The following DLC1 variants were observed in gnomAD, a reference collection of about 807,000 sequenced individuals.
DLC1 encodes the protein rho GTPase-activating protein 7.
DLC1 carries 54 observed loss-of-function variants against 140.3 expected under a neutral mutation model. That is an observed-to-expected ratio of 0.38 (90% CI 0.31 to 0.48). DLC1 has a LOEUF of 0.48. Among genes scored for constraint, DLC1 ranks in the 20% least tolerant of loss-of-function variants. The probability of loss-of-function intolerance (pLI) is 0.96; values close to 1 mark genes in which losing one functional copy is unlikely to be tolerated. For synonymous variants in DLC1, 986 were observed against 728.1 expected, an observed-to-expected ratio of 1.35 and a Z score of -5.70; for missense variants, 2,536 against 1,907.0, an observed-to-expected ratio of 1.33 and a Z score of -6.14.
At chr8:13,568,278 T>C (rs543609146) in intron 1 of DLC1, 1 of 221,858 alleles carries the variant, frequency 4.5e-6, no homozygotes, top group South Asian at 1.1e-4. Context: ...TAGTAGATGT[T>C]TGAAATGTTA....
chr8:13,528,025 A>C (rs1305742447), intron 1 of DLC1, among the ~76,000 whole-genome samples: 4 of 152,160 alleles, frequency 2.6e-5, no homozygotes, highest in African/African-American at 7.2e-5. Flanking sequence ...AAGTGTAAAC[A>C]TGTTGGTTTA....
chr8:13,483,211 G>A (rs183516698), intron 2 of DLC1, among the ~76,000 whole-genome samples: 93 of 152,226 alleles, frequency 6.1e-4, no homozygotes, highest in Middle Eastern at 3.4e-3. Context: ...TTGTAAGGAC[G>A]CTTGTCATTA....
At chr8:13,119,437 C>G (rs1013012585) in intron 5 of DLC1, among the ~76,000 whole-genome samples, 1 of 152,126 alleles carries the variant, frequency 6.6e-6, no homozygotes, top group Non-Finnish European at 1.5e-5. Context: ...AAGATCCCAA[C>G]TAAATGCCAC....
rs186001395 is a variant in DLC1, at chr8:13,268,816, C to T, written c.1348+36453G>A. On this transcript the variant is annotated intron_variant, in intron 5 of 17. Coordinates refer to ENST00000276297, the MANE Select transcript of DLC1 (RefSeq NM_182643.3). ...ATAAGTATCTTCAGGTAAATTTAAACCCGTGTTTCTCAACCTTTGTACTCA... is the reference window on the plus strand; with the variant it reads ...ATAAGTATCTTCAGGTAAATTTAAATCCGTGTTTCTCAACCTTTGTACTCA... 7.4e-3 allele frequency among the ~76,000 whole-genome samples: 1,130 copies of T among 151,734 alleles called. 14 individuals carry two copies. Among genetic ancestry groups the T allele is most frequent in the African/African-American group, 0.026 (1,080 of 41,374 alleles).
chr8:13,175,423 A>G (rs1295766705), intron 5 of DLC1, among the ~76,000 whole-genome samples: 1 of 152,044 alleles, frequency 6.6e-6, no homozygotes, highest in African/African-American at 2.4e-5. Flanking sequence ...TTTGATAGAA[A>G]TAGCACTGAA....
chr8:13,165,396 T>C (rs1272459971), intron 5 of DLC1, among the ~76,000 whole-genome samples: 2 of 152,178 alleles, frequency 1.3e-5, no homozygotes, highest in East Asian at 3.9e-4. Context: ...AAAGGGTAGC[T>C]GGTAGGTAAA....
intron 7 of DLC1, among the ~76,000 whole-genome samples, chr8:13,109,609 G>A (rs899400488): frequency 2.0e-5 from 3 of 151,840 alleles, no homozygotes; most frequent in Non-Finnish European, 4.4e-5. Flanking sequence ...AACAGGCTGG[G>A]TGCGGTGGCT....
chr8:13,595,665 T>C (rs942783158), intron 1 of DLC1, among the ~76,000 whole-genome samples: 18 of 152,058 alleles, frequency 1.2e-4, no homozygotes, highest in African/African-American at 4.3e-4. Flanking sequence ...CTACTAGAGA[T>C]ACATATTTAA....
chr8:13,352,189 G>C (rs909241005), intron 4 of DLC1, among the ~76,000 whole-genome samples: 1 of 151,606 alleles, frequency 6.6e-6, no homozygotes, highest in African/African-American at 2.4e-5. Flanking sequence ...CAGCCACATG[G>C]TGCACGTGGA....
intron 5 of DLC1, among the ~76,000 whole-genome samples, chr8:13,166,011 G>A (rs185504936): frequency 2.6e-5 from 4 of 152,278 alleles, no homozygotes; most frequent in East Asian, 1.9e-4. Context: ...CAGAGGGACT[G>A]GAAAGAGGTT....
At chr8:13,282,715 G>T (rs2117430759) in intron 5 of DLC1, among the ~76,000 whole-genome samples, 1 of 152,114 alleles carries the variant, frequency 6.6e-6, no homozygotes, top group East Asian at 1.9e-4. Context: ...TTACAGCATA[G>T]AACCAGAGTT....
chr8:13,461,295 G>A (rs1348326560), intron 2 of DLC1, among the ~76,000 whole-genome samples: 2 of 152,260 alleles, frequency 1.3e-5, no homozygotes, highest in Admixed American at 6.5e-5. Context: ...CCATACCAAT[G>A]TGTCTTATGG....
rs1425620651 is a variant in DLC1 at position 13,380,977 on chromosome 8, A to C, written c.1314+12576T>G. ...ACACTTTGCCCTCTAGGGAAGGGTT[A>C]ATATGATGCCTGCCCTCATTTCAAG... On this transcript the variant is annotated intron_variant, in intron 4 of 17. Coordinates refer to ENST00000276297, the MANE Select transcript of DLC1 (RefSeq NM_182643.3). 3.3e-5 allele frequency among the ~76,000 whole-genome samples: 5 copies of C among 152,140 alleles called. No individual in the cohort carries two copies. In the East Asian group the frequency reaches 7.7e-4, roughly 23 times the overall value.
At chr8:13,414,025 G>A (rs1327661124) in intron 2 of DLC1, among the ~76,000 whole-genome samples, 2 of 151,880 alleles carry the variant, frequency 1.3e-5, no homozygotes, top group Non-Finnish European at 2.9e-5. Flanking sequence ...AAAAATAAAC[G>A]CTTATTGAAA....
intron 4 of DLC1, among the ~76,000 whole-genome samples, chr8:13,332,353 G>C (rs976646941): frequency 2.0e-5 from 3 of 152,028 alleles, no homozygotes; most frequent in Non-Finnish European, 2.9e-5. Flanking sequence ...CTGAGAGTCA[G>C]AGAATGACCA....
chr8:13,176,961 A>G (rs1825790838), intron 5 of DLC1, among the ~76,000 whole-genome samples: 1 of 152,212 alleles, frequency 6.6e-6, no homozygotes, highest in Non-Finnish European at 1.5e-5. Context: ...AGCTGGGAAC[A>G]GCAAGGAGAC....
At chr8:13,213,764 G>C (rs987274335) in intron 5 of DLC1, among the ~76,000 whole-genome samples, 1 of 151,468 alleles carries the variant, frequency 6.6e-6, no homozygotes, top group Non-Finnish European at 1.5e-5. Context: ...CGTTTCATAA[G>C]TGTTTATGTT....
At chr8:13,221,853 TAATATATTAATAA>T (rs1168355074) in intron 5 of DLC1, among the ~76,000 whole-genome samples, 1 of 144,184 alleles carries the variant, frequency 6.9e-6, no homozygotes, top group Non-Finnish European at 1.5e-5. Context: ...TAAAATATAT[TAATATATTAATAA>T]AATATATTAA....
chr8:13,595,552 A>T (rs2117484654), intron 1 of DLC1, among the ~76,000 whole-genome samples: 1 of 152,160 alleles, frequency 6.6e-6, no homozygotes, highest in East Asian at 1.9e-4. Context: ...ATTTATCTTT[A>T]ATCTTGAGTT....
Sources: gnomAD v4.1 joint callset for allele counts (sites outside exome capture counted in the v4.1 genomes callset) on GRCh38, gnomAD v4.1.1 for gene constraint, MANE v1.5 for transcripts, NCBI Gene and HGNC (gene_info 2026-07-23, HGNC 2026-07-21) for gene names.